Variants in FEM1C observed in about 807,000 individuals in gnomAD.
FEM1C encodes the protein fem-1 homolog C.
Under a neutral mutation model 37.6 loss-of-function variants are expected in FEM1C, and 15 were observed. That is an observed-to-expected ratio of 0.40 (90% CI 0.27 to 0.61). FEM1C has a LOEUF of 0.61. FEM1C is among the 20% of genes least tolerant of loss of function. The pLI, the probability that FEM1C is intolerant of heterozygous loss-of-function variation, is 0.42. For synonymous variants in FEM1C, 287 were observed against 272.8 expected (o/e 1.05, Z -0.51); for missense variants, 532 against 749.7 (o/e 0.71, Z 3.39).
intron 2 of FEM1C, among the ~76,000 whole-genome samples, chr5:115,527,771 G>A (rs1753925746): frequency 6.6e-6 from 1 of 152,090 alleles, no homozygotes; most frequent in African/African-American, 2.4e-5. Context: ...GGGAGGCTGA[G>A]GTGGGCAGAT....
At chr5:115,541,282 TG>T (rs1754235401) in intron 2 of FEM1C, among the ~76,000 whole-genome samples, 1 of 152,096 alleles carries the variant, frequency 6.6e-6, no homozygotes, top group African/African-American at 2.4e-5. Context: ...GAAATATCTT[TG>T]GAAGTATTAT....
Position 115,523,740 on chromosome 5 carries a change from A to AT in FEM1C, c.*567dup, listed in dbSNP as rs1380010620. The AT allele has an allele frequency of 6.5e-6, 1 of 152,682 alleles. No homozygotes were observed. Among genetic ancestry groups the AT allele is most frequent in the Non-Finnish European group, 1.5e-5 (1 of 68,088 alleles). The allele number at this position is 152,682 out of a possible 1,614,324, so 9.5% of individuals were successfully genotyped here. ...AAGTTGACCAACTGCTGCATAGAAA[A>AT]TATGCTAACATACAACAGTCAAGTT... On this transcript the variant is annotated 3_prime_UTR_variant, in exon 3 of 3. Coordinates refer to ENST00000274457, the MANE Select transcript of FEM1C (RefSeq NM_020177.3).
chr5:115,535,694 C>T (rs1327822694), intron 2 of FEM1C, among the ~76,000 whole-genome samples: 10 of 151,920 alleles, frequency 6.6e-5, no homozygotes, highest in African/African-American at 1.2e-4. Context: ...AACAGTTTAA[C>T]GGTTCCTGTT....
At chr5:115,542,724 T>TA (rs1487735303) in intron 2 of FEM1C, among the ~76,000 whole-genome samples, 2 of 152,172 alleles carry the variant, frequency 1.3e-5, no homozygotes, top group African/African-American at 4.8e-5. Context: ...TTACTCCAAA[T>TA]AAGAGAGAAA....
rs1323458772 is a variant in FEM1C, at chr5:115,523,657, A to G, written c.*651T>C. The G allele has an allele frequency of 6.6e-6, 1 of 152,572 alleles. No individual in the cohort carries two copies. Among genetic ancestry groups the G allele is most frequent in the East Asian group, 1.9e-4 (1 of 5,194 alleles). 9.5% of individuals were successfully genotyped at this position (152,572 alleles called of 1,614,324 possible). On this transcript the variant is annotated 3_prime_UTR_variant, in exon 3 of 3. Coordinates refer to ENST00000274457, the MANE Select transcript of FEM1C (RefSeq NM_020177.3). ...GCAGCTCTAAAAATTGTCATGCTACAGAGTACTTTCAAAAAATTAAGTTTG... is the reference window on the plus strand; with the variant it reads ...GCAGCTCTAAAAATTGTCATGCTACGGAGTACTTTCAAAAAATTAAGTTTG...
Position 115,525,345 on chromosome 5 carries a change from T to C in FEM1C, c.817A>G (p.Met273Val), listed in dbSNP as rs529545977. 3 of 1,613,734 alleles carry C rather than the reference T, an allele frequency of 1.9e-6. No homozygotes were observed. Among genetic ancestry groups the C allele is most frequent in the South Asian group, 1.1e-5 (1 of 91,080 alleles). The change falls in exon 3 of 3, where the codon ATG (methionine) becomes GTG (valine). Residue 273 changes from methionine to valine, a missense_variant. Physicochemically the swap from Met to Val is conservative, Grantham distance 21. Transcript: ENST00000274457. ...GTCCTATCACTGTACCTCATGTTCA[T>C]TGCCTTTTTCCAGTATTTCAAAGCC... ...LGALKYWKKA[M>V]NMRYSDRTNI...
Position 115,543,041 on chromosome 5 carries a change from C to T in FEM1C, c.453G>A (p.Thr151=), listed in dbSNP as rs535030204. Residue 151 remains threonine, a synonymous_variant, in exon 2 of 3, where the codon ACG becomes ACA. Coordinates refer to ENST00000274457, the MANE Select transcript of FEM1C (RefSeq NM_020177.3). ...CTTTGTAACATGAAATCATCAAGCA[C>T]GTATGCCCATGTCGGTTTGACACTT... The part of the protein sequence containing the change: ...DLEVSNRHGH[T]CLMISCYKGH... 99 of 1,614,238 alleles carry T rather than the reference C, an allele frequency of 6.1e-5. 1 individual carries two copies. In the South Asian group the frequency reaches 1.0e-3, roughly 16 times the overall value.
chr5:115,524,860 G>C lies in FEM1C; in HGVS notation c.1302C>G (p.Asp434Glu), dbSNP rs749318196. 2 of 1,613,456 alleles carry C rather than the reference G, an allele frequency of 1.2e-6. No individual in the cohort carries two copies. Among genetic ancestry groups the C allele is most frequent in the Non-Finnish European group, 1.7e-6 (2 of 1,179,720 alleles). Residue 434 changes from aspartate (D) to glutamate (E), a missense_variant, in exon 3 of 3, where the codon GAC becomes GAG. Physicochemically the swap from Asp to Glu is conservative, Grantham distance 45. Coordinates refer to ENST00000274457, the MANE Select transcript of FEM1C (RefSeq NM_020177.3). ...RAIKQTQCPADPLQLNKALSI... is the reference protein window; with the variant it reads ...RAIKQTQCPAEPLQLNKALSI... Reference sequence around the variant, plus strand: ...AAAGGGCCTTATTTAACTGTAATGGGTCAGCTGGACACTGAGTTTGTTTGA... The same window carrying C: ...AAAGGGCCTTATTTAACTGTAATGGCTCAGCTGGACACTGAGTTTGTTTGA...
chr5:115,533,759 A>G (rs537899575), intron 2 of FEM1C, among the ~76,000 whole-genome samples: 1 of 152,116 alleles, frequency 6.6e-6, no homozygotes, highest in Admixed American at 6.6e-5. Context: ...AAGTTCAAAA[A>G]TAAATATTAC....
At chr5:115,539,925 G>A (rs930745576) in intron 2 of FEM1C, among the ~76,000 whole-genome samples, 49 of 151,990 alleles carry the variant, frequency 3.2e-4, no homozygotes, top group South Asian at 2.1e-4. Flanking sequence ...AATATCAACC[G>A]CCTGTTTAAA....
intron 2 of FEM1C, 76 bp downstream of exon 2, chr5:115,542,874 C>T (rs1220828080): frequency 2.6e-6 from 4 of 1,527,496 alleles, no homozygotes; most frequent in African/African-American, 1.4e-5. Flanking sequence ...TACTCAACAC[C>T]AGTGCTTATA....
chr5:115,529,862 C>T (rs914911990), intron 2 of FEM1C, among the ~76,000 whole-genome samples: 5 of 151,836 alleles, frequency 3.3e-5, no homozygotes, highest in African/African-American at 9.7e-5. Flanking sequence ...CACATAACTA[C>T]ATTTTCTCTA....
intron 2 of FEM1C, among the ~76,000 whole-genome samples, chr5:115,535,602 C>G (rs73253008): frequency 0.011 from 1,684 of 151,912 alleles, 20 homozygotes; most frequent in African/African-American, 0.026. Context: ...AGAAGAAGAA[C>G]AAGTGTTGGA....
chr5:115,539,785 T>G (rs1455942974), intron 2 of FEM1C, among the ~76,000 whole-genome samples: 1 of 152,088 alleles, frequency 6.6e-6, no homozygotes, highest in Admixed American at 6.6e-5. Context: ...ATCCTAAGTC[T>G]AACAGCCTGG....
At position 115,525,631 on chromosome 5, in the gene FEM1C, A is replaced by G; in HGVS notation, c.545-14T>C. 1 of 1,589,286 alleles carries G rather than the reference A, an allele frequency of 6.3e-7. No individual in the cohort carries two copies. The highest frequency in any genetic ancestry group is 8.6e-7 in the Non-Finnish European group (1 of 1,166,864). ...ATGCAGTATTACCTTAAAGAGAGAG[A>G]GAAAAAAAGAAATAACATACATTGA... is the stretch of plus-strand genomic sequence containing the variant. On this transcript the variant is annotated splice_polypyrimidine_tract_variant and intron_variant, in intron 2 of 2. Transcript: ENST00000274457.
intron 2 of FEM1C, among the ~76,000 whole-genome samples, chr5:115,542,021 G>A (rs1471765434): frequency 6.6e-6 from 1 of 152,004 alleles, no homozygotes; most frequent in African/African-American, 2.4e-5. Flanking sequence ...ATGTCTATAT[G>A]CTACTTTTAA....
In FEM1C at chr5:115,523,992, A is replaced by T; in HGVS notation, c.*316T>A. The T allele has an allele frequency of 7.9e-6, 2 of 252,956 alleles. No homozygotes were observed. Among genetic ancestry groups the T allele is most frequent in the South Asian group, 6.4e-5 (1 of 15,556 alleles). 15.7% of individuals were successfully genotyped at this position (252,956 alleles called of 1,614,324 possible). On this transcript the variant is annotated 3_prime_UTR_variant, in exon 3 of 3. Coordinates refer to ENST00000274457, the MANE Select transcript of FEM1C (RefSeq NM_020177.3). ...TCACAAACCAGTAAAGTATAAAGACACCATGGAGAAATGGTTAACTCTGCC... is the reference window on the plus strand; with the variant it reads ...TCACAAACCAGTAAAGTATAAAGACTCCATGGAGAAATGGTTAACTCTGCC...
Position 115,522,740 on chromosome 5 carries a change from G to T in FEM1C, c.*1568C>A, listed in dbSNP as rs12187973. The T allele has an allele frequency of 0.37, 56,992 of 152,164 alleles. 12,033 individuals carry two copies. The highest frequency in any genetic ancestry group is 0.56 in the East Asian group (2,870 of 5,150). 9.4% of individuals were successfully genotyped at this position (152,164 alleles called of 1,614,324 possible). A position where few individuals can be genotyped will look rare whatever the true frequency, so the allele number is the denominator to read the frequency against. ...CTCATTGAACTCACAGGTAAACTGA[G>T]TTTTTCTCAAATCAATAAGGAGCTT... On this transcript the variant is annotated 3_prime_UTR_variant, in exon 3 of 3. Coordinates refer to ENST00000274457, the MANE Select transcript of FEM1C (RefSeq NM_020177.3).
chr5:115,522,984 TGAGA>T lies in FEM1C; in HGVS notation c.*1320_*1323del, dbSNP rs1561554847. The T allele has an allele frequency of 5.5e-5, 8 of 145,858 alleles. No homozygotes were observed. In the South Asian group the frequency reaches 1.8e-3, roughly 33 times the overall value. 9.0% of individuals were successfully genotyped at this position (145,858 alleles called of 1,614,324 possible). ...GAGAAAGAGAAAGAGAAAGAAAGAG[TGAGA>T]GAAAGAAAGGAAGAAAGAGAAAAGA... On this transcript the variant is annotated 3_prime_UTR_variant, in exon 3 of 3. Transcript: ENST00000274457.
Sources: allele counts gnomAD v4.1 joint callset (sites outside exome capture counted in the v4.1 genomes callset), GRCh38; gene constraint gnomAD v4.1.1; transcripts MANE v1.5; gene names NCBI Gene and HGNC (gene_info 2026-07-23, HGNC 2026-07-21).